EXPH5: variants seen among roughly 807,000 people sequenced by gnomAD.
The protein encoded by EXPH5 is exophilin-5.
Under a neutral mutation model 41.1 loss-of-function variants are expected in EXPH5, and 42 were observed. The ratio of observed to expected loss-of-function variants is 1.02; its 90% confidence interval spans 0.80 to 1.32. The LOEUF (loss-of-function observed/expected upper bound fraction) is 1.32. Among genes scored for constraint, EXPH5 ranks in the 40% most tolerant of loss-of-function variants. EXPH5 has a pLI of 0.00. For synonymous variants in EXPH5, 798 were observed against 833.5 expected (o/e 0.96, Z 0.73); for missense variants, 2,298 against 2,314.5 (o/e 0.99, Z 0.15).
At chr11:108,606,562 T>C in the EXPH5 span, among the ~76,000 whole-genome samples, 1 of 152,130 alleles carries the variant, frequency 6.6e-6, no homozygotes, top group Non-Finnish European at 1.5e-5. Flanking sequence ...AAATTTGGGC[T>C]CTCTAATGAG....
chr11:108,570,348 G>A (rs1478003243), intron 1 of EXPH5, among the ~76,000 whole-genome samples: 3 of 152,098 alleles, frequency 2.0e-5, no homozygotes, highest in Non-Finnish European at 4.4e-5. Flanking sequence ...TCCGCCTCCT[G>A]GGTTCAAGCA....
In EXPH5 at chr11:108,509,907, C is replaced by T. The variant is rs1319269285; in HGVS notation, c.5600G>A (p.Arg1867His). Residue 1867 changes from arginine (R) to histidine (H), a missense_variant, in exon 6 of 6, where the codon CGC becomes CAC. Transcript: ENST00000265843. ...SCDGNESWAYRSGTKTGPRSA... is the reference protein window; with the variant it reads ...SCDGNESWAYHSGTKTGPRSA... ...CCTGGGACCTGTTTTTGTCCCGCTG[C>T]GATAAGCCCAACTTTCATTTCCATC... 10 of 1,607,754 alleles carry T rather than the reference C, an allele frequency of 6.2e-6. No individual in the cohort carries two copies. In the East Asian group the frequency reaches 1.6e-4, roughly 25 times the overall value.
At chr11:108,534,804 T>A (rs896976294) in intron 3 of EXPH5, among the ~76,000 whole-genome samples, 1 of 152,210 alleles carries the variant, frequency 6.6e-6, no homozygotes, top group Non-Finnish European at 1.5e-5. Context: ...AGGGCACTCC[T>A]TTCTCAAGAC....
intron 1 of EXPH5, among the ~76,000 whole-genome samples, chr11:108,580,438 A>G (rs2094094487): frequency 6.6e-6 from 1 of 152,110 alleles, no homozygotes; most frequent in Admixed American, 6.6e-5. Context: ...AGAAAAGGGA[A>G]CTCTTATACA....
At chr11:108,583,739 G>A (rs1419320721) in intron 1 of EXPH5, among the ~76,000 whole-genome samples, 1 of 151,670 alleles carries the variant, frequency 6.6e-6, no homozygotes, top group African/African-American at 2.4e-5. Flanking sequence ...CATAGTGAAA[G>A]ACAGTGCTCA....
Position 108,513,428 on chromosome 11 carries a change from C to A in EXPH5, c.2079G>T (p.Leu693Phe). The A allele has an allele frequency of 6.2e-7, 1 of 1,613,136 alleles. No homozygotes were observed. Among genetic ancestry groups the A allele is most frequent in the Non-Finnish European group, 8.5e-7 (1 of 1,179,664 alleles). Residue 693 changes from leucine to phenylalanine, a missense_variant, in exon 6 of 6, where the codon TTG (leucine) becomes TTT (phenylalanine). By Grantham distance (22) the Leu-to-Phe change is conservative. Coordinates refer to ENST00000265843, the MANE Select transcript of EXPH5 (RefSeq NM_015065.3). Reference protein sequence around the residue: ...LPLAKSQPNILVTEVNNEKDL... With the variant: ...LPLAKSQPNIFVTEVNNEKDL... ...CTTTCTCATTATTTACTTCTGTGACCAAGATATTGGGCTGGCTTTTGGCAA... is the reference window on the plus strand; with the variant it reads ...CTTTCTCATTATTTACTTCTGTGACAAAGATATTGGGCTGGCTTTTGGCAA...
At chr11:108,538,307 G>A in intron 3 of EXPH5, 1 of 949,566 alleles carries the variant, frequency 1.1e-6, no homozygotes, top group East Asian at 1.2e-4. Flanking sequence ...AGGAAGACAT[G>A]CCGAAAATAT....
At chr11:108,555,554 T>A (rs2093985990) in intron 1 of EXPH5, among the ~76,000 whole-genome samples, 1 of 152,190 alleles carries the variant, frequency 6.6e-6, no homozygotes, top group African/African-American at 2.4e-5. Flanking sequence ...CACCTGGATG[T>A]CTGCAGGAGC....
At chr11:108,531,899 T>A (rs1352706281) in intron 3 of EXPH5, among the ~76,000 whole-genome samples, 1 of 152,198 alleles carries the variant, frequency 6.6e-6, no homozygotes, top group African/African-American at 2.4e-5. Flanking sequence ...TCTCTACATC[T>A]CCCTGCATTT....
Position 108,560,439 on chromosome 11 carries a change from C to T in EXPH5, c.120-18627G>A, listed in dbSNP as rs78142456. Among the ~76,000 whole-genome samples the T allele has an allele frequency of 7.5e-3, 1,137 of 152,378 alleles. 6 individuals carry two copies. Among genetic ancestry groups the T allele is most frequent in the Non-Finnish European group, 0.013 (880 of 68,046 alleles). ...CATTGAAACCCTTTTTATCCATCTA[C>T]TGATAAACCAACTGACCTGACAAAC... On this transcript the variant is annotated intron_variant, in intron 1 of 5. Coordinates refer to ENST00000265843, the MANE Select transcript of EXPH5 (RefSeq NM_015065.3).
chr11:108,541,864 A>T (rs2136033452), intron 1 of EXPH5, 52 bp from the exon 2 acceptor site: 1 of 1,408,776 alleles, frequency 7.1e-7, no homozygotes, highest in East Asian at 2.3e-5. Flanking sequence ...CTTAACATCA[A>T]GCTCATCCTT....
intron 1 of EXPH5, among the ~76,000 whole-genome samples, chr11:108,543,109 G>T (rs565739536): frequency 6.6e-6 from 1 of 152,278 alleles, no homozygotes; most frequent in African/African-American, 2.4e-5. Context: ...GGTAGTAAGG[G>T]ATGGGGTAAT....
the EXPH5 span, among the ~76,000 whole-genome samples, chr11:108,605,520 G>C: frequency 6.6e-6 from 1 of 152,162 alleles, no homozygotes; most frequent in Non-Finnish European, 1.5e-5. Flanking sequence ...ACAGGGTAGA[G>C]GGCAGAGATG....
intron 3 of EXPH5, among the ~76,000 whole-genome samples, chr11:108,532,366 A>ATTTT (rs1168217383): frequency 1.6e-4 from 5 of 32,128 alleles, no homozygotes; most frequent in African/African-American, 1.0e-3. Context: ...ATATATATAT[A>ATTTT]TTTTTTTTTT....
At position 108,512,236 on chromosome 11, in the gene EXPH5, C is replaced by T; in HGVS notation, c.3271G>A (p.Glu1091Lys). 1 of 1,609,454 alleles carries T rather than the reference C, an allele frequency of 6.2e-7. No individual in the cohort carries two copies. Among genetic ancestry groups the T allele is most frequent in the South Asian group, 1.1e-5 (1 of 90,020 alleles). The change falls in exon 6 of 6, where the codon GAA becomes AAA. Residue 1091 changes from glutamate to lysine, a missense_variant. Physicochemically the swap from Glu to Lys is moderately conservative, Grantham distance 56 (BLOSUM62 1). Coordinates refer to ENST00000265843, the MANE Select transcript of EXPH5 (RefSeq NM_015065.3). Reference protein sequence around the residue: ...CSKVLSDSALEAPEATERMTN... With the variant: ...CSKVLSDSALKAPEATERMTN... ...ATTCTCTCTGTGGCTTCAGGTGCTTCCAGGGCTGAGTCTGAAAGGACTTTG... is the reference window on the plus strand; with the variant it reads ...ATTCTCTCTGTGGCTTCAGGTGCTTTCAGGGCTGAGTCTGAAAGGACTTTG...
intron 1 of EXPH5, among the ~76,000 whole-genome samples, chr11:108,564,723 T>A (rs558410717): frequency 6.6e-6 from 1 of 152,294 alleles, no homozygotes; most frequent in African/African-American, 2.4e-5. Flanking sequence ...AAAGGTTGTA[T>A]CAAATTTTCC....
chr11:108,551,260 A>C (rs751052688), intron 1 of EXPH5, among the ~76,000 whole-genome samples: 1 of 152,360 alleles, frequency 6.6e-6, no homozygotes, highest in South Asian at 2.1e-4. Flanking sequence ...AACCCCACTA[A>C]GAAACAATGC....
At chr11:108,553,540 G>A (rs1238618541) in intron 1 of EXPH5, among the ~76,000 whole-genome samples, 1 of 152,128 alleles carries the variant, frequency 6.6e-6, no homozygotes, top group Non-Finnish European at 1.5e-5. Context: ...AGCCAGCTTG[G>A]AAATCACCCA....
At chr11:108,557,721 T>C (rs1230450421) in intron 1 of EXPH5, among the ~76,000 whole-genome samples, 1 of 152,196 alleles carries the variant, frequency 6.6e-6, no homozygotes, top group Non-Finnish European at 1.5e-5. Flanking sequence ...TCTTATTGAT[T>C]ATATCTCTTG....
Sources: gnomAD v4.1 joint callset for allele counts (sites outside exome capture counted in the v4.1 genomes callset) on GRCh38, gnomAD v4.1.1 for gene constraint, MANE v1.5 for transcripts, NCBI Gene and HGNC (gene_info 2026-07-23, HGNC 2026-07-21) for gene names.